OPCML: variants seen among roughly 807,000 people sequenced by gnomAD.
The protein encoded by OPCML is opioid-binding protein/cell adhesion molecule.
A neutral mutation model predicts 37.8 loss-of-function variants in OPCML; 13 were observed. The observed-to-expected ratio is 0.34, with a 90% confidence interval of 0.22 to 0.55. The LOEUF (loss-of-function observed/expected upper bound fraction) is 0.55, where lower values mean the gene tolerates loss of function less well. OPCML is among the 20% of genes least tolerant of loss of function. OPCML has a pLI of 0.91. For missense variants in OPCML, 341 were observed against 435.6 expected (o/e 0.78, Z 1.93); for synonymous variants, 176 against 168.8 (o/e 1.04, Z -0.33).
intron 1 of OPCML, among the ~76,000 whole-genome samples, chr11:133,437,682 C>G (rs1343457937): frequency 2.8e-4 from 41 of 145,354 alleles, no homozygotes; most frequent in African/African-American, 9.6e-4. Context: ...CCGCTCACCT[C>G]TCCCCTCTCA....
chr11:132,631,054 A>T (rs980401851), intron 3 of OPCML, among the ~76,000 whole-genome samples: 5 of 152,170 alleles, frequency 3.3e-5, no homozygotes, highest in Admixed American at 2.0e-4. Flanking sequence ...TACATAAGAA[A>T]CTCAAAATTA....
intron 1 of OPCML, among the ~76,000 whole-genome samples, chr11:133,530,296 G>A (rs1354807760): frequency 6.6e-6 from 1 of 152,224 alleles, no homozygotes; most frequent in Non-Finnish European, 1.5e-5. Flanking sequence ...GCTCCTTCAG[G>A]GCGCGCTGCA....
intron 3 of OPCML, among the ~76,000 whole-genome samples, chr11:132,568,799 C>T (rs4623914): frequency 0.73 from 111,638 of 152,102 alleles, 41,486 homozygotes; most frequent in East Asian, 0.85. Flanking sequence ...GTGAAACTAA[C>T]GCAGCTGCCA....
intron 1 of OPCML, among the ~76,000 whole-genome samples, chr11:133,181,336 C>T (rs34845256): frequency 7.4e-6 from 1 of 134,480 alleles, no homozygotes; most frequent in Non-Finnish European, 1.5e-5. Flanking sequence ...TGATTTTCTA[C>T]TAGAGTTTGA....
chr11:132,549,631 C>T (rs1279757456), intron 3 of OPCML, among the ~76,000 whole-genome samples: 2 of 152,154 alleles, frequency 1.3e-5, no homozygotes, highest in African/African-American at 2.4e-5. Context: ...CCTGTAAAGT[C>T]GAGCTGCAGA....
At chr11:133,071,174 A>T (rs1336323795) in intron 1 of OPCML, among the ~76,000 whole-genome samples, 1 of 152,250 alleles carries the variant, frequency 6.6e-6, no homozygotes, top group African/African-American at 2.4e-5. Flanking sequence ...CTCATCAAAG[A>T]TGATGGCTTT....
At chr11:133,529,425 G>A (rs1362171804) in intron 1 of OPCML, among the ~76,000 whole-genome samples, 5 of 152,132 alleles carry the variant, frequency 3.3e-5, no homozygotes, top group East Asian at 1.9e-4. Context: ...CCAGAGCCTC[G>A]GACTGTGCCT....
Position 133,173,876 on chromosome 11 carries a change from C to A in OPCML, c.62-230866G>T, listed in dbSNP as rs1384723348. 1.3e-5 allele frequency among the ~76,000 whole-genome samples: 2 copies of A among 152,184 alleles called. No homozygotes were observed. The highest frequency in any genetic ancestry group is 4.8e-5 in the African/African-American group (2 of 41,442). ...ATAATGAAGTTGATAAATGGGTCTG[C>A]ACTCTGAGGGCTGGAATGAAGATTG... On this transcript the variant is annotated intron_variant, in intron 1 of 7. Coordinates refer to ENST00000524381, the MANE Select transcript of OPCML (RefSeq NM_001012393.5). This position sits in a 1 kb window ranked among gnomAD's most constrained non-coding sequence, Gnocchi z 7.8.
intron 2 of OPCML, among the ~76,000 whole-genome samples, chr11:132,873,798 G>A (rs1942907031): frequency 6.7e-6 from 1 of 150,156 alleles, no homozygotes; most frequent in Non-Finnish European, 1.5e-5. Context: ...AAGAATAGTA[G>A]CTAAAACAAA....
At chr11:132,686,790 A>G (rs1943176043) in intron 2 of OPCML, among the ~76,000 whole-genome samples, 1 of 152,110 alleles carries the variant, frequency 6.6e-6, no homozygotes, top group Admixed American at 6.5e-5. Flanking sequence ...CGAATGCCCT[A>G]TTCTGGACAC....
intron 1 of OPCML, among the ~76,000 whole-genome samples, chr11:133,031,373 G>A (rs539755974): frequency 7.4e-6 from 1 of 134,410 alleles, no homozygotes; most frequent in South Asian, 2.4e-4. Flanking sequence ...ATGAGTAGGT[G>A]GATGGATGGA....
intron 3 of OPCML, among the ~76,000 whole-genome samples, chr11:132,542,050 T>A (rs1001854020): frequency 6.6e-6 from 1 of 152,182 alleles, no homozygotes; most frequent in Non-Finnish European, 1.5e-5. Context: ...CCTAGACCTG[T>A]CATTTAGTGA....
chr11:132,876,679 G>T (rs1429523176), intron 2 of OPCML, among the ~76,000 whole-genome samples: 3 of 152,102 alleles, frequency 2.0e-5, no homozygotes, highest in African/African-American at 7.2e-5. Flanking sequence ...AGGGTATTTG[G>T]CAAGGCCCCG....
chr11:132,692,968 C>A (rs1450979263), intron 2 of OPCML, among the ~76,000 whole-genome samples: 1 of 152,186 alleles, frequency 6.6e-6, no homozygotes, highest in Admixed American at 6.5e-5. Context: ...TTCAAACTCC[C>A]AACTTCATAG....
At position 133,188,863 on chromosome 11, in the gene OPCML, C is replaced by T. The variant is rs367617293; in HGVS notation, c.62-245853G>A. Reference sequence around the variant, plus strand: ...TCTCTCTGCACCCCACACTTCTCATCCAGGCCTGAGTTCTGCACTTTGACA... The same window carrying T: ...TCTCTCTGCACCCCACACTTCTCATTCAGGCCTGAGTTCTGCACTTTGACA... On this transcript the variant is annotated intron_variant, in intron 1 of 7. Coordinates refer to ENST00000524381, the MANE Select transcript of OPCML (RefSeq NM_001012393.5). Among the ~76,000 whole-genome samples the T allele has an allele frequency of 3.3e-5, 5 of 152,272 alleles. No individual in the cohort carries two copies. In the East Asian group the frequency reaches 5.8e-4, roughly 18 times the overall value.
chr11:132,514,170 A>G (rs1213567446), intron 4 of OPCML, among the ~76,000 whole-genome samples: 2 of 152,284 alleles, frequency 1.3e-5, no homozygotes, highest in Admixed American at 1.3e-4. Flanking sequence ...AGATTAAGTC[A>G]AAGTGGCATG....
chr11:133,229,596 AC>A (rs1940189034), intron 1 of OPCML, among the ~76,000 whole-genome samples: 1 of 152,064 alleles, frequency 6.6e-6, no homozygotes, highest in African/African-American at 2.4e-5. Flanking sequence ...TAATAGGAAG[AC>A]AAAAAAAATT....
At chr11:133,489,336 C>A (rs2120424709) in intron 1 of OPCML, among the ~76,000 whole-genome samples, 1 of 151,552 alleles carries the variant, frequency 6.6e-6, no homozygotes, top group Non-Finnish European at 1.5e-5. Context: ...ATGCATCTGA[C>A]AAAGGGCTAA....
At chr11:132,889,045 G>A (rs776163552) in intron 2 of OPCML, among the ~76,000 whole-genome samples, 14 of 152,180 alleles carry the variant, frequency 9.2e-5, no homozygotes, top group South Asian at 2.1e-4. Flanking sequence ...CTTATGTCCA[G>A]GTACAGTGAG....
Sources: gnomAD v4.1 joint callset for allele counts (sites outside exome capture counted in the v4.1 genomes callset) on GRCh38, gnomAD v4.1.1 for gene constraint, Gnocchi (gnomAD v3.1) non-coding constraint, MANE v1.5 for transcripts, NCBI Gene and HGNC (gene_info 2026-07-23, HGNC 2026-07-21) for gene names.